GABRG3: variants seen among roughly 807,000 people sequenced by gnomAD.
GABRG3 encodes the protein gamma-aminobutyric acid receptor subunit gamma-3.
GABRG3 carries 25 observed loss-of-function variants against 48.8 expected under a neutral mutation model. The observed-to-expected ratio is 0.51, with a 90% CI of 0.37 to 0.72. The LOEUF is 0.72. GABRG3 is among the 30% of genes least tolerant of loss of function. The probability of loss-of-function intolerance (pLI) is 0.00; values close to 1 mark genes in which losing one functional copy is unlikely to be tolerated. For synonymous variants in GABRG3, 227 were observed against 217.6 expected (o/e 1.04, Z -0.38); for missense variants, 394 against 577.9 (o/e 0.68, Z 3.26).
chr15:27,003,695 A>T (rs1181043299), intron 2 of GABRG3, among the ~76,000 whole-genome samples: 1 of 152,096 alleles, frequency 6.6e-6, no homozygotes, highest in Non-Finnish European at 1.5e-5. Flanking sequence ...TATTCCACAA[A>T]ACCGCCATTG....
Position 27,352,479 on chromosome 15 carries a change from G to A in GABRG3, c.574+23591G>A, listed in dbSNP as rs1011111666. On this transcript the variant is annotated intron_variant, in intron 5 of 9. Coordinates refer to ENST00000615808, the MANE Select transcript of GABRG3 (RefSeq NM_033223.5). The surrounding 1 kb of genome is among the most constrained non-coding windows in gnomAD (Gnocchi z 4.0). ...AGATTGATAGTCTTCTAATTAGTAC[G>A]AAAAAGATTCGAGAATTGGATCCTA... Among the ~76,000 whole-genome samples the A allele has an allele frequency of 1.3e-5, 2 of 152,032 alleles. No homozygotes were observed. The highest frequency in any genetic ancestry group is 4.8e-5 in the African/African-American group (2 of 41,382).
intron 5 of GABRG3, chr15:27,365,561 C>G (rs867279841): frequency 6.6e-6 from 1 of 152,186 alleles, no homozygotes; most frequent in East Asian, 1.9e-4. Context: ...TTAGCAGGAA[C>G]ACCCCAGAGG....
In GABRG3 at chr15:27,457,581, G is replaced by A. The variant is rs1330312004; in HGVS notation, c.575-23069G>A. On this transcript the variant is annotated intron_variant, in intron 5 of 9. Transcript: ENST00000615808. The surrounding 1 kb of genome is among the most constrained non-coding windows in gnomAD (Gnocchi z 4.4). ...TAGATACGGACACGTTCCCTGCCCC[G>A]TATCTAAAGTGGCTTGGCCAGGATT... is the stretch of plus-strand genomic sequence containing the variant. Among the ~76,000 whole-genome samples the A allele has an allele frequency of 1.3e-5, 2 of 152,134 alleles. No homozygotes were observed. The highest frequency in any genetic ancestry group is 1.9e-4 in the East Asian group (1 of 5,174).
intron 3 of GABRG3, among the ~76,000 whole-genome samples, chr15:27,151,103 T>C (rs973972629): frequency 3.3e-5 from 5 of 152,190 alleles, no homozygotes; most frequent in Admixed American, 6.5e-5. Flanking sequence ...CTTTACCCAC[T>C]GTCTCTCAAT....
intron 5 of GABRG3, among the ~76,000 whole-genome samples, chr15:27,354,578 C>G (rs1314545324): frequency 1.3e-5 from 2 of 152,140 alleles, no homozygotes; most frequent in East Asian, 3.9e-4. Flanking sequence ...AGGGCAGGAG[C>G]ACTTAGCTGC....
chr15:27,397,863 G>A lies in GABRG3; in HGVS notation c.574+68975G>A, dbSNP rs183767167. 6.9e-3 allele frequency among the ~76,000 whole-genome samples: 1,030 copies of A among 148,468 alleles called. 6 individuals are homozygous for A. Among genetic ancestry groups the A allele is most frequent in the Middle Eastern group, 0.018 (5 of 284 alleles). ...TCTGTGGCCCAGGCTGCAGTGCAGT[G>A]GTGCGATCTCGGCTCACTGCAAGCT... is the stretch of plus-strand genomic sequence containing the variant. On this transcript the variant is annotated intron_variant, in intron 5 of 9. Transcript: ENST00000615808.
intron 3 of GABRG3, among the ~76,000 whole-genome samples, chr15:27,066,911 G>T (rs928149763): frequency 1.3e-4 from 20 of 152,302 alleles, no homozygotes; most frequent in Admixed American, 1.3e-3. Flanking sequence ...AATGTCAAGG[G>T]TGAGGCAAAC....
intron 3 of GABRG3, among the ~76,000 whole-genome samples, chr15:27,243,824 C>G (rs1299226498): frequency 6.6e-6 from 1 of 152,050 alleles, no homozygotes; most frequent in Non-Finnish European, 1.5e-5. Context: ...AAAAAGGACC[C>G]CAATCATGGT....
intron 3 of GABRG3, among the ~76,000 whole-genome samples, chr15:27,155,247 A>T (rs572557816): frequency 1.4e-4 from 21 of 152,154 alleles, no homozygotes; most frequent in African/African-American, 4.8e-4. Flanking sequence ...GGTCTTCTTT[A>T]TGTCTTCTAC....
At chr15:27,098,489 C>G (rs1483364984) in intron 3 of GABRG3, among the ~76,000 whole-genome samples, 1 of 152,064 alleles carries the variant, frequency 6.6e-6, no homozygotes. Context: ...ATCTCAGAAC[C>G]TAATTTTGAA....
In GABRG3 at chr15:27,350,067, T is replaced by C. The variant is rs1358670776; in HGVS notation, c.574+21179T>C. On this transcript the variant is annotated intron_variant, in intron 5 of 9. Coordinates refer to ENST00000615808, the MANE Select transcript of GABRG3 (RefSeq NM_033223.5). The stretch of plus-strand genomic sequence containing the variant: ...AGTTTTCCCCTTTATACACACAAAA[T>C]CTCTAATTTAGATAAATTGTCACTC... The C allele has an allele frequency of 6.6e-6, 3 of 455,712 alleles. 1 individual carries two copies. The highest frequency in any genetic ancestry group is 4.0e-5 in the African/African-American group (2 of 49,992). The allele number at this position is 455,712 out of a possible 1,614,324, so 28.2% of individuals were successfully genotyped here.
At chr15:26,991,011 G>A (rs572943951) in intron 2 of GABRG3, among the ~76,000 whole-genome samples, 22 of 152,076 alleles carry the variant, frequency 1.4e-4, no homozygotes, top group African/African-American at 5.3e-4. Flanking sequence ...CACCATGTTG[G>A]CCAAGCTGTT....
In GABRG3 at chr15:27,447,265, C is replaced by T. The variant is rs1189065179; in HGVS notation, c.575-33385C>T. Among the ~76,000 whole-genome samples the T allele has an allele frequency of 6.6e-6, 1 of 152,102 alleles. No homozygotes were observed. The highest frequency in any genetic ancestry group is 1.5e-5 in the Non-Finnish European group (1 of 68,008). On this transcript the variant is annotated intron_variant, in intron 5 of 9. Coordinates refer to ENST00000615808, the MANE Select transcript of GABRG3 (RefSeq NM_033223.5). The surrounding 1 kb of genome is among the most constrained non-coding windows in gnomAD (Gnocchi z 4.0). ...AAAAGAGACAGGCATGTCCCAGAAGCATCAGACTAACCTGCAGCACCCCAG... is the reference window on the plus strand; with the variant it reads ...AAAAGAGACAGGCATGTCCCAGAAGTATCAGACTAACCTGCAGCACCCCAG...
At chr15:26,992,443 T>C (rs146027754) in intron 2 of GABRG3, among the ~76,000 whole-genome samples, 145 of 152,334 alleles carry the variant, frequency 9.5e-4, no homozygotes, top group African/African-American at 3.3e-3. Flanking sequence ...TGTAGTGATA[T>C]TAAACTTTAT....
chr15:27,140,326 C>A (rs966641018), intron 3 of GABRG3, among the ~76,000 whole-genome samples: 1 of 151,942 alleles, frequency 6.6e-6, no homozygotes, highest in Non-Finnish European at 1.5e-5. Flanking sequence ...TAGAGGACAC[C>A]CAGCTGGTGT....
chr15:27,053,673 G>T (rs543968713), intron 3 of GABRG3, among the ~76,000 whole-genome samples: 1 of 152,290 alleles, frequency 6.6e-6, no homozygotes, highest in South Asian at 2.1e-4. Flanking sequence ...ATATGCACTT[G>T]TATGTTCACT....
intron 5 of GABRG3, among the ~76,000 whole-genome samples, chr15:27,460,978 C>A (rs1889430628): frequency 6.6e-6 from 1 of 152,172 alleles, no homozygotes; most frequent in Admixed American, 6.5e-5. Flanking sequence ...GTTTGGTAGG[C>A]CCTAAAACAG....
chr15:27,512,326 T>C (rs577590990), intron 6 of GABRG3, among the ~76,000 whole-genome samples: 9 of 152,270 alleles, frequency 5.9e-5, no homozygotes, highest in Admixed American at 2.6e-4. Flanking sequence ...AATGCATTTT[T>C]ATGGAGTAAA....
chr15:27,092,088 CT>C (rs1897195571), intron 3 of GABRG3, among the ~76,000 whole-genome samples: 1 of 152,112 alleles, frequency 6.6e-6, no homozygotes, highest in Admixed American at 6.5e-5. Flanking sequence ...AGCAACAGTT[CT>C]TTTACTGTGG....
Sources: allele counts gnomAD v4.1 joint callset (sites outside exome capture counted in the v4.1 genomes callset), GRCh38; gene constraint gnomAD v4.1.1; non-coding constraint Gnocchi (gnomAD v3.1); transcripts MANE v1.5; gene names NCBI Gene and HGNC (gene_info 2026-07-23, HGNC 2026-07-21).